MTUS1: variants seen among roughly 807,000 people sequenced by gnomAD.
MTUS1 encodes microtubule-associated tumor suppressor 1.
A neutral mutation model predicts 120.8 loss-of-function variants in MTUS1; 109 were observed. The ratio of observed to expected loss-of-function variants is 0.90; its 90% CI spans 0.77 to 1.06. The LOEUF (loss-of-function observed/expected upper bound fraction) is 1.06. Among genes scored for constraint, MTUS1 ranks in the 50% least tolerant of loss-of-function variants. The probability of loss-of-function intolerance (pLI) is 0.00; values close to 1 mark genes in which losing one functional copy is unlikely to be tolerated. For synonymous variants in MTUS1, 737 were observed against 550.5 expected, an observed-to-expected ratio of 1.34 and a Z score of -4.74; for missense variants, 2,210 against 1,486.3, an observed-to-expected ratio of 1.49 and a Z score of -8.01.
chr8:17,654,418 C>T (rs546917332), intron 10 of MTUS1, 143 bp downstream of exon 10: 73 of 626,800 alleles, frequency 1.2e-4, no homozygotes, highest in Middle Eastern at 4.2e-4. Context: ...CAATAAACCA[C>T]GCAAAAAGGA....
intron 1 of MTUS1, among the ~76,000 whole-genome samples, chr8:17,768,224 G>C (rs1007955465): frequency 6.6e-6 from 1 of 152,210 alleles, no homozygotes; most frequent in Non-Finnish European, 1.5e-5. Context: ...TAAACTAGGA[G>C]AGTTTTATAA....
At chr8:17,779,446 A>C (rs77160478) in intron 1 of MTUS1, among the ~76,000 whole-genome samples, 2,121 of 152,352 alleles carry the variant, frequency 0.014, 44 homozygotes, top group African/African-American at 0.047. Flanking sequence ...GCCTATGGGT[A>C]AACTAAAACC....
Position 17,658,261 on chromosome 8 carries a change from C to G in MTUS1, c.2906-2196G>C, listed in dbSNP as rs147867064. On this transcript the variant is annotated intron_variant, in intron 8 of 14. Coordinates refer to ENST00000693296, the MANE Select transcript of MTUS1 (RefSeq NM_001363059.2). ...ATGTTGGTCAGGCTGTTCTCTAACT[C>G]CTGACCTCGTGATGCGCCTGCCTCG... Among the ~76,000 whole-genome samples, 59 of 152,272 alleles carry G rather than the reference C, an allele frequency of 3.9e-4. No individual in the cohort carries two copies. In the East Asian group the frequency reaches 0.011, roughly 27 times the overall value.
intron 2 of MTUS1, among the ~76,000 whole-genome samples, chr8:17,746,578 A>G (rs759844778): frequency 6.6e-6 from 1 of 152,112 alleles, no homozygotes; most frequent in Non-Finnish European, 1.5e-5. Context: ...AGACTTACTC[A>G]CTACCACAAG....
rs538499500 is a variant in MTUS1, at chr8:17,774,910, T to TA, written c.-154-18950dup. 1.5e-3 allele frequency among the ~76,000 whole-genome samples: 137 copies of TA among 93,064 alleles called. 1 individual carries two copies. The highest frequency in any genetic ancestry group is 5.4e-3 in the African/African-American group (130 of 23,976). 61.1% of individuals were successfully genotyped at this position (93,064 alleles called of 152,430 possible). On this transcript the variant is annotated intron_variant, in intron 1 of 14. Transcript: ENST00000693296. ...CATACAGTGGAATATTATTCAGCCA[T>TA]AAAAAAGAATGAAATTCTGTTACAT...
At chr8:17,701,998 A>C (rs1819194284) in intron 6 of MTUS1, among the ~76,000 whole-genome samples, 1 of 152,242 alleles carries the variant, frequency 6.6e-6, no homozygotes, top group Non-Finnish European at 1.5e-5. Flanking sequence ...TTGTTATTTT[A>C]ATGGCTTCAA....
At chr8:17,698,678 G>T (rs1007554145) in intron 6 of MTUS1, among the ~76,000 whole-genome samples, 1 of 152,064 alleles carries the variant, frequency 6.6e-6, no homozygotes, top group Non-Finnish European at 1.5e-5. Flanking sequence ...ATGAAGCAGG[G>T]AAGAGAGAGG....
intron 3 of MTUS1, among the ~76,000 whole-genome samples, chr8:17,738,670 A>G (rs547692357): frequency 1.3e-5 from 2 of 152,312 alleles, no homozygotes; most frequent in South Asian, 4.1e-4. Context: ...ACCATCACCT[A>G]GGTATTAAGC....
chr8:17,733,612 G>A (rs189852817), intron 3 of MTUS1, among the ~76,000 whole-genome samples: 1 of 152,222 alleles, frequency 6.6e-6, no homozygotes, highest in African/African-American at 2.4e-5. Context: ...AGACACAAGA[G>A]GTAAAGAATA....
chr8:17,675,932 G>A (rs560942818), intron 7 of MTUS1: 28 of 212,526 alleles, frequency 1.3e-4, no homozygotes, highest in African/African-American at 5.7e-4. Context: ...TTGAGCTGAA[G>A]AATAATGTTC....
At chr8:17,783,875 C>T (rs1018855028) in intron 1 of MTUS1, among the ~76,000 whole-genome samples, 1 of 152,280 alleles carries the variant, frequency 6.6e-6, no homozygotes, top group African/African-American at 2.4e-5. Flanking sequence ...CCCGGACCAC[C>T]ACTCCAATTC....
At chr8:17,703,463 C>G (rs766170048) in intron 6 of MTUS1, among the ~76,000 whole-genome samples, 12 of 151,982 alleles carry the variant, frequency 7.9e-5, no homozygotes, top group Non-Finnish European at 1.8e-4. Context: ...GAAACCCCGT[C>G]TCTACTAGAA....
intron 1 of MTUS1, among the ~76,000 whole-genome samples, chr8:17,795,612 T>C (rs1179536557): frequency 2.0e-5 from 3 of 152,018 alleles, no homozygotes; most frequent in Non-Finnish European, 4.4e-5. Flanking sequence ...CTTACTTTTA[T>C]TTATGTAGCT....
intron 3 of MTUS1, among the ~76,000 whole-genome samples, chr8:17,739,017 T>A (rs1044466504): frequency 5.9e-5 from 9 of 151,528 alleles, no homozygotes; most frequent in Non-Finnish European, 1.3e-4. Flanking sequence ...CTGACACACA[T>A]CTGTGATACC....
intron 6 of MTUS1, among the ~76,000 whole-genome samples, chr8:17,700,905 CAAACAG>C (rs1008157215): frequency 1.1e-5 from 1 of 91,010 alleles, no homozygotes; most frequent in African/African-American, 3.8e-5. Context: ...TATATTCAAA[CAAACAG>C]AAATTCCACT....
intron 1 of MTUS1, among the ~76,000 whole-genome samples, chr8:17,766,648 G>C (rs2049523740): frequency 1.3e-5 from 2 of 152,214 alleles, no homozygotes; most frequent in East Asian, 1.9e-4. Context: ...AGAAAGTATT[G>C]TCCTGGTTTT....
chr8:17,800,347 T>A (rs767520367), intron 1 of MTUS1, among the ~76,000 whole-genome samples: 5 of 152,288 alleles, frequency 3.3e-5, no homozygotes, highest in South Asian at 4.2e-4. Flanking sequence ...TTTGGTTTCA[T>A]TGAAACAAAC....
chr8:17,655,412 T>C (rs1807989736), intron 9 of MTUS1, among the ~76,000 whole-genome samples: 1 of 152,192 alleles, frequency 6.6e-6, no homozygotes, highest in South Asian at 2.1e-4. Context: ...TCCTCCTCCT[T>C]TTCTTCCCTT....
At chr8:17,740,835 C>T (rs1269350549) in intron 3 of MTUS1, among the ~76,000 whole-genome samples, 4 of 152,122 alleles carry the variant, frequency 2.6e-5, no homozygotes, top group Non-Finnish European at 5.9e-5. Context: ...TCTCATTCTA[C>T]CTCACATACT....
Sources: gnomAD v4.1 joint callset for allele counts (sites outside exome capture counted in the v4.1 genomes callset) on GRCh38, gnomAD v4.1.1 for gene constraint, MANE v1.5 for transcripts, NCBI Gene and HGNC (gene_info 2026-07-23, HGNC 2026-07-21) for gene names.